Variants in CHRNA2 observed in about 807,000 individuals in gnomAD.
The protein encoded by CHRNA2 is neuronal acetylcholine receptor subunit alpha-2.
Under a neutral mutation model 45.5 loss-of-function variants are expected in CHRNA2, and 40 were observed. That is an observed-to-expected ratio of 0.88 (90% CI 0.68 to 1.15). The LOEUF (loss-of-function observed/expected upper bound fraction) is 1.15. CHRNA2 is among the 50% of genes most tolerant of loss of function. The pLI, the probability that CHRNA2 is intolerant of heterozygous loss-of-function variation, is 0.00. For missense variants in CHRNA2, 655 were observed against 701.7 expected (o/e 0.93, Z 0.75); for synonymous variants, 301 against 296.7 (o/e 1.01, Z -0.15).
intron 2 of CHRNA2, 123 bp downstream of exon 2, chr8:27,470,863 T>C (rs1346743477): frequency 1.0e-6 from 1 of 962,732 alleles, no homozygotes; most frequent in African/African-American, 1.6e-5. Context: ...ACCTGGCTGA[T>C]GGCCTCTGAA....
At chr8:27,475,056 G>A (rs1423827717) in intron 1 of CHRNA2, among the ~76,000 whole-genome samples, 2 of 152,202 alleles carry the variant, frequency 1.3e-5, no homozygotes, top group Admixed American at 6.5e-5. Flanking sequence ...GGAATTAGAG[G>A]TGATTATTAT....
At chr8:27,467,020 G>A (rs1812717150) in intron 5 of CHRNA2, among the ~76,000 whole-genome samples, 1 of 152,186 alleles carries the variant, frequency 6.6e-6, no homozygotes, top group Non-Finnish European at 1.5e-5. Context: ...ATACCTAAAA[G>A]GTGCTCAGCT....
chr8:27,478,499 G>A (rs1268343355), intron 1 of CHRNA2, among the ~76,000 whole-genome samples: 2 of 152,208 alleles, frequency 1.3e-5, no homozygotes, highest in African/African-American at 2.4e-5. Context: ...AAAGGACATA[G>A]ACAATTTACA....
At chr8:27,462,884 G>C in intron 6 of CHRNA2, 95 bp downstream of exon 6, 5 of 1,494,976 alleles carry the variant, frequency 3.3e-6, no homozygotes, top group Non-Finnish European at 4.6e-6. Flanking sequence ...CACGAGAGGG[G>C]CCTGGGCTGC....
chr8:27,465,084 G>A (rs1324175198), intron 5 of CHRNA2, among the ~76,000 whole-genome samples: 2 of 152,206 alleles, frequency 1.3e-5, no homozygotes, highest in African/African-American at 4.8e-5. Context: ...TTCCAGTAGA[G>A]GGTCACACAG....
At chr8:27,473,497 C>T (rs1448346124) in intron 1 of CHRNA2, among the ~76,000 whole-genome samples, 1 of 147,950 alleles carries the variant, frequency 6.8e-6, no homozygotes, top group East Asian at 2.0e-4. Context: ...CTCAGCAGTT[C>T]AAAACCAGCC....
intron 5 of CHRNA2, 101 bp downstream of exon 5, chr8:27,467,128 G>A: frequency 1.2e-6 from 1 of 805,642 alleles, no homozygotes; most frequent in Non-Finnish European, 2.2e-6. Flanking sequence ...TCGAGAAGGA[G>A]GCGAGGAAGC....
At position 27,461,482 on chromosome 8, in the gene CHRNA2, T is replaced by C; in HGVS notation, c.*147A>G. 2 of 1,125,150 alleles carry C rather than the reference T, an allele frequency of 1.8e-6. No individual in the cohort carries two copies. Among genetic ancestry groups the C allele is most frequent in the South Asian group, 1.5e-5 (1 of 68,510 alleles). The allele number at this position is 1,125,150 out of a possible 1,614,324, so 69.7% of individuals were successfully genotyped here. A position where few individuals can be genotyped will look rare whatever the true frequency, so the allele number is the denominator to read the frequency against. ...CCTGGTACAATAACGTTAAGCTGGA[T>C]GGAAGCCTGCAATCCCTGGGTCAGT... On this transcript the variant is annotated 3_prime_UTR_variant, in exon 7 of 7. Coordinates refer to ENST00000407991, the MANE Select transcript of CHRNA2 (RefSeq NM_000742.4).
chr8:27,477,784 T>C (rs1486640967), intron 1 of CHRNA2, among the ~76,000 whole-genome samples: 3 of 152,146 alleles, frequency 2.0e-5, no homozygotes, highest in South Asian at 2.1e-4. Flanking sequence ...AGGTCCCTAA[T>C]TGTAAAGTGG....
rs184733899 is a variant in CHRNA2, at chr8:27,465,442, T to A, written c.450-1449A>T. Among the ~76,000 whole-genome samples the A allele has an allele frequency of 5.9e-3, 829 of 139,486 alleles. 24 individuals are homozygous for A. Among genetic ancestry groups the A allele is most frequent in the Admixed American group, 0.044 (646 of 14,744 alleles). 91.5% of individuals were successfully genotyped at this position (139,486 alleles called of 152,430 possible). On this transcript the variant is annotated intron_variant, in intron 5 of 6. Transcript: ENST00000407991. ...ACATTGAGACAAAAGTTAAAAAAAA[T>A]TTTTTTTTGAGGCGGAATCTCACTC...
intron 5 of CHRNA2, among the ~76,000 whole-genome samples, chr8:27,466,220 C>A (rs1173426546): frequency 6.6e-6 from 1 of 151,684 alleles, no homozygotes; most frequent in Non-Finnish European, 1.5e-5. Flanking sequence ...TAGTTCTGAC[C>A]AGAACTGGAC....
rs764346961 is a variant in CHRNA2 at position 27,463,267 on chromosome 8, G to A, written c.1176C>T (p.Pro392=). ...AAGAGGGGCTGAGCTTCAGGCGTAGGGGGTGGCAGAGCTCCACGGGTGGTG... is the reference window on the plus strand; with the variant it reads ...AAGAGGGGCTGAGCTTCAGGCGTAGAGGGTGGCAGAGCTCCACGGGTGGTG... The part of the protein sequence containing the change: ...RPPPPVELCH[P]LRLKLSPSYH... Residue 392 remains proline, a synonymous_variant, in exon 6 of 7, where the codon CCC becomes CCT. Coordinates refer to ENST00000407991, the MANE Select transcript of CHRNA2 (RefSeq NM_000742.4). The surrounding 1 kb of genome is among the most constrained non-coding windows in gnomAD (Gnocchi z 6.1). The A allele has an allele frequency of 3.7e-5, 59 of 1,605,876 alleles. No individual in the cohort carries two copies. In the South Asian group the frequency reaches 5.8e-4, roughly 16 times the overall value.
chr8:27,468,762 A>C (rs888329875), intron 4 of CHRNA2, among the ~76,000 whole-genome samples: 1 of 152,160 alleles, frequency 6.6e-6, no homozygotes, highest in Non-Finnish European at 1.5e-5. Flanking sequence ...CTCAAATATC[A>C]CAAAGTAACC....
chr8:27,474,498 T>C (rs1055177727), intron 1 of CHRNA2, among the ~76,000 whole-genome samples: 3 of 152,232 alleles, frequency 2.0e-5, no homozygotes, highest in Admixed American at 2.0e-4. Flanking sequence ...GGTTCCTTCC[T>C]GGCTCTGAAA....
rs533199446 is a variant in CHRNA2 at position 27,471,479 on chromosome 8, A to G, written c.-136-285T>C. On this transcript the variant is annotated intron_variant, in intron 1 of 6. Coordinates refer to ENST00000407991, the MANE Select transcript of CHRNA2 (RefSeq NM_000742.4). ...CATTGCTTTGCCTCAGTGGTCATCTATAAAATGGGGATAATCATACTGCAA... is the reference window on the plus strand; with the variant it reads ...CATTGCTTTGCCTCAGTGGTCATCTGTAAAATGGGGATAATCATACTGCAA... Among the ~76,000 whole-genome samples the G allele has an allele frequency of 7.2e-5, 11 of 152,336 alleles. No homozygotes were observed. In the South Asian group the frequency reaches 1.4e-3, roughly 20 times the overall value.
chr8:27,476,407 T>C (rs1813061376), intron 1 of CHRNA2, among the ~76,000 whole-genome samples: 1 of 152,232 alleles, frequency 6.6e-6, no homozygotes, highest in African/African-American at 2.4e-5. Context: ...TGGGAAGCTT[T>C]TCCTCGAGTC....
rs140350483 is a variant in CHRNA2 at position 27,463,733 on chromosome 8, G to T, written c.710C>A (p.Thr237Lys). The change falls in exon 6 of 7, where the codon ACG (threonine) becomes AAG (lysine). Residue 237 changes from threonine (T) to lysine (K), a missense_variant. Around this residue, in one of 3 missense-constraint regions of CHRNA2, gnomAD observed 323 missense variants for 354.4 expected, o/e 0.91. Coordinates refer to ENST00000407991, the MANE Select transcript of CHRNA2 (RefSeq NM_000742.4). This position sits in a 1 kb window ranked among gnomAD's most constrained non-coding sequence, Gnocchi z 6.1. Reference sequence around the variant, plus strand: ...GTACTTCTTGCTGTTGTAGGTGCCCGTGGCATTGACGATGGCCCACTCGCC... The same window carrying T: ...GTACTTCTTGCTGTTGTAGGTGCCCTTGGCATTGACGATGGCCCACTCGCC... ...ESGEWAIVNA[T>K]GTYNSKKYDC... The T allele has an allele frequency of 9.5e-5, 153 of 1,614,056 alleles. No individual in the cohort carries two copies. The African/African-American group carries it at 1.8e-3, about 19-fold the overall frequency.
Position 27,461,387 on chromosome 8 carries a change from C to T in CHRNA2, c.*242G>A, listed in dbSNP as rs1411800068. 1.6e-5 allele frequency: 9 copies of T among 554,800 alleles called. No homozygotes were observed. Among genetic ancestry groups the T allele is most frequent in the Admixed American group, 6.2e-5 (2 of 32,150 alleles). 34.4% of individuals were successfully genotyped at this position (554,800 alleles called of 1,614,324 possible). ...GCCCCACTTGGTCACCACACTATTG[C>T]GACCTTCTGCAGAGCTTCCCCAGCT... On this transcript the variant is annotated 3_prime_UTR_variant, in exon 7 of 7. Transcript: ENST00000407991.
intron 5 of CHRNA2, among the ~76,000 whole-genome samples, chr8:27,465,361 C>T (rs1262767899): frequency 1.3e-5 from 2 of 151,950 alleles, no homozygotes; most frequent in Non-Finnish European, 2.9e-5. Context: ...TGGAGTAGTT[C>T]CATGGTAGAG....
Sources: allele counts gnomAD v4.1 joint callset (sites outside exome capture counted in the v4.1 genomes callset), GRCh38; gene constraint gnomAD v4.1.1; regional missense constraint gnomAD v4.1.1; non-coding constraint Gnocchi (gnomAD v3.1); transcripts MANE v1.5; gene names NCBI Gene and HGNC (gene_info 2026-07-23, HGNC 2026-07-21).